PRKD1: variants seen among roughly 807,000 people sequenced by gnomAD.
PRKD1 encodes the protein serine/threonine-protein kinase D1.
A neutral mutation model predicts 95.9 loss-of-function variants in PRKD1; 63 were observed. The ratio of observed to expected loss-of-function variants is 0.66; its 90% CI spans 0.54 to 0.81. PRKD1 has a LOEUF of 0.81. PRKD1 is among the 30% of genes least tolerant of loss of function. The pLI is 0.00. For synonymous variants in PRKD1, 425 were observed against 423.1 expected (o/e 1.00, Z -0.05); for missense variants, 1,048 against 1,165.3 (o/e 0.90, Z 1.47).
intron 4 of PRKD1, among the ~76,000 whole-genome samples, chr14:29,652,359 A>G (rs1881564913): frequency 1.3e-5 from 2 of 152,186 alleles, no homozygotes; most frequent in Admixed American, 1.3e-4. Flanking sequence ...AGCAGGGTTC[A>G]TGAAGAACTC....
chr14:29,747,095 G>A (rs1336651194), intron 1 of PRKD1, among the ~76,000 whole-genome samples: 1 of 152,000 alleles, frequency 6.6e-6, no homozygotes, highest in East Asian at 1.9e-4. Context: ...CCAAAGAAAT[G>A]ATATATGCTT....
chr14:29,608,714 C>A (rs911279711), intron 13 of PRKD1, among the ~76,000 whole-genome samples: 15 of 152,060 alleles, frequency 9.9e-5, no homozygotes, highest in Non-Finnish European at 1.8e-4. Flanking sequence ...ACTCTAAGGT[C>A]AATTAAGGGA....
intron 1 of PRKD1, among the ~76,000 whole-genome samples, chr14:29,814,003 A>G (rs564829845): frequency 1.1e-4 from 17 of 152,336 alleles, no homozygotes; most frequent in South Asian, 4.1e-4. Context: ...ATGAATATTC[A>G]TTTACTTTGG....
intron 1 of PRKD1, among the ~76,000 whole-genome samples, chr14:29,889,174 T>C (rs1893848575): frequency 6.6e-6 from 1 of 152,162 alleles, no homozygotes; most frequent in African/African-American, 2.4e-5. Flanking sequence ...AGACATAAAT[T>C]TGAGCTCACA....
At chr14:29,840,814 G>A (rs1047334965) in intron 1 of PRKD1, among the ~76,000 whole-genome samples, 4 of 152,170 alleles carry the variant, frequency 2.6e-5, no homozygotes, top group Admixed American at 6.5e-5. Flanking sequence ...TCACTATGAC[G>A]AGAACAGCAC....
At chr14:29,890,362 C>A (rs1893896412) in intron 1 of PRKD1, among the ~76,000 whole-genome samples, 1 of 152,162 alleles carries the variant, frequency 6.6e-6, no homozygotes, top group African/African-American at 2.4e-5. Flanking sequence ...AATTCCTACC[C>A]ATCACTCACT....
chr14:29,581,271 T>C (rs1892746463), intron 16 of PRKD1, among the ~76,000 whole-genome samples: 1 of 152,142 alleles, frequency 6.6e-6, no homozygotes, highest in Admixed American at 6.6e-5. Context: ...CCTGTTAAAA[T>C]TCAGTGATCA....
intron 16 of PRKD1, among the ~76,000 whole-genome samples, chr14:29,588,769 T>C (rs1009962233): frequency 6.6e-6 from 1 of 150,796 alleles, no homozygotes; most frequent in Non-Finnish European, 1.5e-5. Context: ...GCATTTCCTA[T>C]GCTTTGCATT....
chr14:29,869,524 T>C (rs149588207), intron 1 of PRKD1, among the ~76,000 whole-genome samples: 83 of 151,678 alleles, frequency 5.5e-4, no homozygotes, highest in Admixed American at 2.2e-3. Flanking sequence ...TAACCAAAAA[T>C]GAACAGGAAT....
intron 1 of PRKD1, among the ~76,000 whole-genome samples, chr14:29,924,481 T>C (rs1399328086): frequency 6.6e-6 from 1 of 152,158 alleles, no homozygotes; most frequent in African/African-American, 2.4e-5. Context: ...TCCTGTGATG[T>C]TACTGAAACT....
intron 1 of PRKD1, among the ~76,000 whole-genome samples, chr14:29,813,478 ATTTT>A (rs1257970403): frequency 1.2e-4 from 19 of 152,172 alleles, no homozygotes; most frequent in Non-Finnish European, 1.5e-5. Context: ...CCAGATAAGA[ATTTT>A]ATGCTGCTCT....
At chr14:29,831,628 C>A (rs1396737872) in intron 1 of PRKD1, among the ~76,000 whole-genome samples, 1 of 151,914 alleles carries the variant, frequency 6.6e-6, no homozygotes, top group Non-Finnish European at 1.5e-5. Context: ...GCCACCACAC[C>A]CAGCTAATTT....
chr14:29,663,530 T>C (rs1032275704), intron 4 of PRKD1, among the ~76,000 whole-genome samples, 169 bp downstream of exon 4: 21 of 152,182 alleles, frequency 1.4e-4, no homozygotes, highest in Non-Finnish European at 2.2e-4. Flanking sequence ...AACTGTTGGA[T>C]ATTTGATGAG....
At chr14:29,692,269 T>C (rs1230495295) in intron 2 of PRKD1, among the ~76,000 whole-genome samples, 2 of 152,018 alleles carry the variant, frequency 1.3e-5, no homozygotes, top group African/African-American at 4.8e-5. Context: ...GATGATTCCA[T>C]TGGAGACTTT....
intron 1 of PRKD1, among the ~76,000 whole-genome samples, chr14:29,733,092 T>A (rs141177764): frequency 0.013 from 1,903 of 149,378 alleles, 29 homozygotes; most frequent in African/African-American, 0.045. Context: ...TTTATTTTTT[T>A]AATTTTTATT....
At chr14:29,758,139 T>TA (rs895857433) in intron 1 of PRKD1, among the ~76,000 whole-genome samples, 1 of 134,626 alleles carries the variant, frequency 7.4e-6, no homozygotes, top group Non-Finnish European at 1.6e-5. Flanking sequence ...ACGGAGTAAA[T>TA]AAAAAAACTC....
At chr14:29,843,187 G>T (rs1447470555) in intron 1 of PRKD1, among the ~76,000 whole-genome samples, 2 of 152,118 alleles carry the variant, frequency 1.3e-5, no homozygotes, top group African/African-American at 4.8e-5. Context: ...ATAAGAAGAT[G>T]TTATGCCACA....
At chr14:29,676,050 G>T (rs969952487) in intron 2 of PRKD1, among the ~76,000 whole-genome samples, 1 of 151,604 alleles carries the variant, frequency 6.6e-6, no homozygotes, top group South Asian at 2.1e-4. Context: ...AATGGGTGCA[G>T]CACACCAACA....
intron 1 of PRKD1, among the ~76,000 whole-genome samples, chr14:29,747,879 G>T (rs1265832004): frequency 6.6e-6 from 1 of 152,030 alleles, no homozygotes; most frequent in Non-Finnish European, 1.5e-5. Context: ...GAGCAGCTGG[G>T]ATTACAGGAG....
Sources: allele counts gnomAD v4.1 joint callset (sites outside exome capture counted in the v4.1 genomes callset), GRCh38; gene constraint gnomAD v4.1.1; transcripts MANE v1.5; gene names NCBI Gene and HGNC (gene_info 2026-07-23, HGNC 2026-07-21).